Variants in CNOT1 observed in about 807,000 individuals in gnomAD.
CNOT1 encodes the protein CCR4-associated factor 1.
In CNOT1, 15 loss-of-function variants were observed where a neutral mutation model predicts 273.8. That is an observed-to-expected ratio of 0.05 (90% CI 0.04 to 0.08). The LOEUF (loss-of-function observed/expected upper bound fraction) is 0.08, where lower values mean the gene tolerates loss of function less well. Ranked by LOEUF, CNOT1 falls within the 10% of genes least tolerant of loss-of-function variation. The pLI is 1.00. For synonymous variants in CNOT1, 1,022 were observed against 1,005.5 expected, an observed-to-expected ratio of 1.02 and a Z score of -0.31; for missense variants, 1,644 against 2,912.2, an observed-to-expected ratio of 0.56 and a Z score of 10.02.
intron 1 of CNOT1, among the ~76,000 whole-genome samples, chr16:58,600,449 T>C (rs979167401): frequency 7.2e-5 from 11 of 152,224 alleles, no homozygotes; most frequent in African/African-American, 2.7e-4. Context: ...AAGCAGCAAG[T>C]GGAAACTTAC....
At chr16:58,549,919 G>A (rs776155031) in intron 24 of CNOT1, 21 bp from the exon 25 acceptor site, 4 of 1,612,808 alleles carry the variant, frequency 2.5e-6, no homozygotes, top group Non-Finnish European at 3.4e-6. Context: ...AATACGACAT[G>A]GGAAGCACAG....
At chr16:58,528,136 G>T (rs1013797942) in intron 44 of CNOT1, 14 of 484,434 alleles carry the variant, frequency 2.9e-5, no homozygotes, top group Non-Finnish European at 5.3e-5. Flanking sequence ...GATTACAAAG[G>T]TCTGTTTGTT....
chr16:58,623,891 G>A (rs770198281), intron 1 of CNOT1, among the ~76,000 whole-genome samples: 45 of 151,980 alleles, frequency 3.0e-4, no homozygotes, highest in Non-Finnish European at 5.6e-4. Context: ...TTGGGAGGCC[G>A]AGGCAGAAGA....
chr16:58,602,574 A>C (rs978593065), intron 1 of CNOT1, among the ~76,000 whole-genome samples: 1 of 149,346 alleles, frequency 6.7e-6, no homozygotes, highest in East Asian at 2.0e-4. Context: ...AAAAAAAAAA[A>C]AAACCCATCC....
At position 58,551,198 on chromosome 16, in the gene CNOT1, T is replaced by A; in HGVS notation, c.3276A>T (p.Pro1092=). 1 of 1,611,222 alleles carries A rather than the reference T, an allele frequency of 6.2e-7. No individual in the cohort carries two copies. The highest frequency in any genetic ancestry group is 8.5e-7 in the Non-Finnish European group (1 of 1,179,250). The change falls in exon 24 of 49, where the codon CCA becomes CCT. Residue 1092 remains proline (P), a synonymous_variant. Transcript: ENST00000317147. The part of the protein sequence containing the change: ...TDQTERIVEP[P]ENIQEKIAFI... ...AAGCAATTTTCTCCTGGATATTTTCTGGGGGCTCCACAATTCTCTCAGTTT... is the reference window on the plus strand; with the variant it reads ...AAGCAATTTTCTCCTGGATATTTTCAGGGGGCTCCACAATTCTCTCAGTTT...
chr16:58,547,070 A>T lies in CNOT1; in HGVS notation c.3750+116T>A. 1 of 1,386,458 alleles carries T rather than the reference A, an allele frequency of 7.2e-7. No homozygotes were observed. Among genetic ancestry groups the T allele is most frequent in the African/African-American group, 1.5e-5 (1 of 68,804 alleles). The allele number at this position is 1,386,458 out of a possible 1,614,324, so 85.9% of individuals were successfully genotyped here. A position where few individuals can be genotyped will look rare whatever the true frequency, so the allele number is the denominator to read the frequency against. Reference sequence around the variant, plus strand: ...TTGGAAATCCAAGTGCCATAGAGGAAAACAGACTTAACTAGCTTTACCTCA... The same window carrying T: ...TTGGAAATCCAAGTGCCATAGAGGATAACAGACTTAACTAGCTTTACCTCA... On this transcript the variant is annotated intron_variant, in intron 27 of 48. Coordinates refer to ENST00000317147, the MANE Select transcript of CNOT1 (RefSeq NM_016284.5). This position sits in a 1 kb window ranked among gnomAD's most constrained non-coding sequence, Gnocchi z 4.0.
intron 38 of CNOT1, among the ~76,000 whole-genome samples, 186 bp from the exon 39 acceptor site, chr16:58,537,406 C>A (rs1464596060): frequency 2.6e-5 from 4 of 152,182 alleles, no homozygotes; most frequent in African/African-American, 7.2e-5. Flanking sequence ...ATACAACACA[C>A]AAACAACTGC....
intron 1 of CNOT1, among the ~76,000 whole-genome samples, chr16:58,628,652 G>C (rs1472637786): frequency 6.6e-6 from 1 of 150,522 alleles, no homozygotes; most frequent in Non-Finnish European, 1.5e-5. Flanking sequence ...TAGAGAAATC[G>C]GCAGGGTAGG....
chr16:58,585,258 A>T, intron 8 of CNOT1, 80 bp downstream of exon 8: 1 of 1,575,292 alleles, frequency 6.3e-7, no homozygotes, highest in East Asian at 2.2e-5. Flanking sequence ...AACTTTAAGG[A>T]ATTTTAGAGA....
intron 16 of CNOT1, among the ~76,000 whole-genome samples, chr16:58,572,240 T>C (rs1419026723): frequency 2.6e-5 from 4 of 151,278 alleles, no homozygotes; most frequent in African/African-American, 9.7e-5. Flanking sequence ...GCCGAGATCA[T>C]GCCACTGCAC....
At chr16:58,587,541 T>C (rs2041915531) in intron 4 of CNOT1, 128 bp from the exon 5 acceptor site, 1 of 1,311,000 alleles carries the variant, frequency 7.6e-7, no homozygotes, top group Non-Finnish European at 1.0e-6. Context: ...ACTAGAAACA[T>C]TACACTATGT....
chr16:58,555,989 T>C (rs2040616944), intron 19 of CNOT1, 81 bp from the exon 20 acceptor site: 4 of 1,560,758 alleles, frequency 2.6e-6, no homozygotes, highest in Non-Finnish European at 1.7e-6. Context: ...CCAGAGACTA[T>C]TATAGCTCTA....
At chr16:58,565,111 C>T (rs1052604784) in intron 16 of CNOT1, among the ~76,000 whole-genome samples, 1 of 152,088 alleles carries the variant, frequency 6.6e-6, no homozygotes, top group Non-Finnish European at 1.5e-5. Context: ...TCCCTAAATG[C>T]TTCACTACAT....
chr16:58,537,770 C>T (rs2039969285), intron 38 of CNOT1, 121 bp downstream of exon 38: 11 of 1,312,288 alleles, frequency 8.4e-6, no homozygotes, highest in Non-Finnish European at 1.1e-5. Context: ...CCAAAGCTAC[C>T]CACCCATATG....
chr16:58,559,675 A>C, intron 17 of CNOT1: 2 of 368,270 alleles, frequency 5.4e-6, no homozygotes, highest in Admixed American at 5.6e-5. Context: ...TAGCCACTGA[A>C]TCACTAACTT....
At chr16:58,570,749 G>A (rs555117202) in intron 16 of CNOT1, among the ~76,000 whole-genome samples, 10 of 152,186 alleles carry the variant, frequency 6.6e-5, no homozygotes, top group African/African-American at 1.2e-4. Flanking sequence ...TGAAATTTTT[G>A]GATCCTACCG....
intron 1 of CNOT1, among the ~76,000 whole-genome samples, chr16:58,626,543 C>T (rs757854190): frequency 7.3e-5 from 11 of 151,352 alleles, no homozygotes; most frequent in African/African-American, 7.3e-5. Context: ...GGGTGGATCA[C>T]GAGGTCAAGA....
chr16:58,528,036 C>T, intron 44 of CNOT1: 1 of 397,036 alleles, frequency 2.5e-6, no homozygotes, highest in Non-Finnish European at 5.0e-6. Flanking sequence ...TAGCTTGAAC[C>T]AGCGAAGGGG....
chr16:58,547,527 T>A lies in CNOT1; in HGVS notation c.3639+39A>T. On this transcript the variant is annotated intron_variant, in intron 26 of 48. Coordinates refer to ENST00000317147, the MANE Select transcript of CNOT1 (RefSeq NM_016284.5). The surrounding 1 kb of genome is among the most constrained non-coding windows in gnomAD (Gnocchi z 4.0). Reference sequence around the variant, plus strand: ...GCCAATACTTGTAATCATAATGTGCTGAAGATTCTCAATTTTTACACATTT... The same window carrying A: ...GCCAATACTTGTAATCATAATGTGCAGAAGATTCTCAATTTTTACACATTT... 3.2e-6 allele frequency: 5 copies of A among 1,585,590 alleles called. No individual in the cohort carries two copies. The South Asian group carries it at 5.7e-5, about 18-fold the overall frequency.
Sources: allele counts gnomAD v4.1 joint callset (sites outside exome capture counted in the v4.1 genomes callset), GRCh38; gene constraint gnomAD v4.1.1; non-coding constraint Gnocchi (gnomAD v3.1); transcripts MANE v1.5; gene names NCBI Gene and HGNC (gene_info 2026-07-23, HGNC 2026-07-21).